The following RAB11FIP3 variants were observed in gnomAD, a reference collection of about 807,000 sequenced individuals.
The protein encoded by RAB11FIP3 is RAB11 family interacting protein 3, also known as rab11 family-interacting protein 3.
A neutral mutation model predicts 77.8 loss-of-function variants in RAB11FIP3; 17 were observed. The observed-to-expected ratio is 0.22, with a 90% CI of 0.15 to 0.33. RAB11FIP3 has a LOEUF of 0.33. Among genes scored for constraint, RAB11FIP3 ranks in the 10% least tolerant of loss-of-function variants. The probability of loss-of-function intolerance (pLI) is 1.00; values close to 1 mark genes in which losing one functional copy is unlikely to be tolerated. For missense variants in RAB11FIP3, 1,005 were observed against 1,011.2 expected (o/e 0.99, Z 0.08); for synonymous variants, 437 against 448.2 (o/e 0.98, Z 0.31).
intron 1 of RAB11FIP3, among the ~76,000 whole-genome samples, chr16:433,849 C>G (rs1330529587): frequency 1.4e-5 from 2 of 145,222 alleles, no homozygotes; most frequent in Non-Finnish European, 3.0e-5. Flanking sequence ...GAGCGAGACT[C>G]TGTCTCAAAA....
intron 6 of RAB11FIP3, among the ~76,000 whole-genome samples, chr16:501,124 GTT>G (rs955223780): frequency 2.0e-5 from 3 of 152,204 alleles, no homozygotes; most frequent in Non-Finnish European, 4.4e-5. Context: ...AGATGGAAAT[GTT>G]CAAGCCCAGT....
chr16:426,396 G>T lies in RAB11FIP3; in HGVS notation c.390G>T (p.Glu130Asp), dbSNP rs1356563307. 4 of 1,581,796 alleles carry T rather than the reference G, an allele frequency of 2.5e-6. No homozygotes were observed. The African/African-American group carries it at 5.4e-5, about 21-fold the overall frequency. ...TGTTCTCCTGGACTGAGGAGCCCGAGGAGTGTGGCCCCGCGAGCTGCCCGG... is the reference window on the plus strand; with the variant it reads ...TGTTCTCCTGGACTGAGGAGCCCGATGAGTGTGGCCCCGCGAGCTGCCCGG... ...DPLFSWTEEPEECGPASCPES... is the reference protein window; with the variant it reads ...DPLFSWTEEPDECGPASCPES... Residue 130 changes from glutamate (E) to aspartate (D), a missense_variant, in exon 1 of 14, where the codon GAG (glutamate) becomes GAT (aspartate). By Grantham distance (45) the Glu-to-Asp change is conservative. Transcript: ENST00000262305. This position sits in a 1 kb window ranked among gnomAD's most constrained non-coding sequence, Gnocchi z 5.0.
At chr16:498,007 C>T (rs988506910) in intron 6 of RAB11FIP3, among the ~76,000 whole-genome samples, 1 of 150,558 alleles carries the variant, frequency 6.6e-6, no homozygotes, top group Non-Finnish European at 1.5e-5. Context: ...GGTCTAGCTG[C>T]GTTGCCCAGG....
At position 470,426 on chromosome 16, in the gene RAB11FIP3, C is replaced by T. The variant is rs113148497; in HGVS notation, c.809-869C>T. Among the ~76,000 whole-genome samples, 592 of 152,358 alleles carry T rather than the reference C, an allele frequency of 3.9e-3. 4 individuals are homozygous for T. Among genetic ancestry groups the T allele is most frequent in the African/African-American group, 0.013 (552 of 41,586 alleles). ...GGGATTACAGGCATAGGCCACCGTG[C>T]CTGGCCCCAACCTTCACTTTTAAAA... is the stretch of plus-strand genomic sequence containing the variant. On this transcript the variant is annotated intron_variant, in intron 2 of 13. Coordinates refer to ENST00000262305, the MANE Select transcript of RAB11FIP3 (RefSeq NM_014700.4).
chr16:464,815 G>A (rs1423385581), intron 2 of RAB11FIP3, among the ~76,000 whole-genome samples: 3 of 152,174 alleles, frequency 2.0e-5, no homozygotes, highest in Non-Finnish European at 4.4e-5. Flanking sequence ...ATCCCAGGAG[G>A]TGGAGGCTGC....
intron 4 of RAB11FIP3, 66 bp downstream of exon 4, chr16:482,802 TGGGCAGACTGG>T: frequency 1.4e-6 from 2 of 1,481,410 alleles, no homozygotes; most frequent in South Asian, 2.4e-5. Context: ...AGGTGTCTGA[TGGGCAGACTGG>T]GGTCTTGGAG....
intron 3 of RAB11FIP3, among the ~76,000 whole-genome samples, chr16:477,417 T>C (rs1327662781): frequency 6.6e-6 from 1 of 152,198 alleles, no homozygotes; most frequent in Non-Finnish European, 1.5e-5. Context: ...TGTGCAATCC[T>C]GTTGGGGTAG....
chr16:499,539 T>C (rs1299476932), intron 6 of RAB11FIP3, among the ~76,000 whole-genome samples: 1 of 152,238 alleles, frequency 6.6e-6, no homozygotes, highest in Non-Finnish European at 1.5e-5. Flanking sequence ...GGCTCACGCC[T>C]GTAATCCCAG....
At chr16:510,395 A>G (rs1330826041) in intron 8 of RAB11FIP3, 1 of 434,576 alleles carries the variant, frequency 2.3e-6, no homozygotes, top group African/African-American at 2.0e-5. Flanking sequence ...ACAAGCGGGC[A>G]GTGCCTGTGG....
At chr16:503,717 T>C (rs1189844150) in intron 7 of RAB11FIP3, among the ~76,000 whole-genome samples, 1 of 152,006 alleles carries the variant, frequency 6.6e-6, no homozygotes, top group African/African-American at 2.4e-5. Context: ...CCGTCTCTAC[T>C]AAAAATACAA....
chr16:520,097 G>A (rs912147353), intron 11 of RAB11FIP3, 25 bp from the exon 12 acceptor site: 13 of 1,541,630 alleles, frequency 8.4e-6, no homozygotes, highest in East Asian at 2.5e-5. Context: ...CAGGCCCCCC[G>A]GCTCACTGCA....
rs1396217490 is a variant in RAB11FIP3 at position 505,656 on chromosome 16, C to T, written c.1499+29C>T. The T allele has an allele frequency of 1.3e-6, 2 of 1,529,176 alleles. No individual in the cohort carries two copies. The highest frequency in any genetic ancestry group is 1.8e-6 in the Non-Finnish European group (2 of 1,134,072). The allele number at this position is 1,529,176 out of a possible 1,614,324, so 94.7% of individuals were successfully genotyped here. ...AGCCTGGGCCAGGAGACCCGGGCCT[C>T]TGCGTGGCGCCTCCTGTGCCCGCCT... is the stretch of plus-strand genomic sequence containing the variant. On this transcript the variant is annotated intron_variant, in intron 8 of 13. Transcript: ENST00000262305. This position sits in a 1 kb window ranked among gnomAD's most constrained non-coding sequence, Gnocchi z 4.0.
At chr16:447,453 T>C (rs1161536039) in intron 1 of RAB11FIP3, among the ~76,000 whole-genome samples, 17 of 152,100 alleles carry the variant, frequency 1.1e-4, no homozygotes, top group Non-Finnish European at 2.5e-4. Context: ...TATATATATA[T>C]TGTGGCCGGG....
chr16:467,435 G>GGCCTC (rs2055721622), intron 2 of RAB11FIP3, among the ~76,000 whole-genome samples: 1 of 151,608 alleles, frequency 6.6e-6, no homozygotes, highest in Non-Finnish European at 1.5e-5. Flanking sequence ...GAGGTGCTGG[G>GGCCTC]ACGTCAGGGA....
chr16:445,082 C>G (rs1457265160), intron 1 of RAB11FIP3, among the ~76,000 whole-genome samples: 3 of 143,374 alleles, frequency 2.1e-5, no homozygotes, highest in Admixed American at 7.1e-5. Context: ...CCACTGCACT[C>G]CAGCCTGGGT....
chr16:438,184 T>C (rs1283720067), intron 1 of RAB11FIP3, among the ~76,000 whole-genome samples: 1 of 152,094 alleles, frequency 6.6e-6, no homozygotes, highest in African/African-American at 2.4e-5. Flanking sequence ...ATCCACTTAC[T>C]GCAACCTCCG....
chr16:463,739 G>A (rs778487056), intron 2 of RAB11FIP3, among the ~76,000 whole-genome samples: 5 of 152,054 alleles, frequency 3.3e-5, no homozygotes, highest in Non-Finnish European at 7.4e-5. Context: ...CGCCCGGCCT[G>A]TTCCCCATTT....
At position 514,790 on chromosome 16, in the gene RAB11FIP3, A is replaced by C. The variant is rs894441507; in HGVS notation, c.1640+3990A>C. 3.3e-5 allele frequency among the ~76,000 whole-genome samples: 5 copies of C among 152,234 alleles called. No individual in the cohort carries two copies. Among genetic ancestry groups the C allele is most frequent in the African/African-American group, 1.2e-4 (5 of 41,464 alleles). On this transcript the variant is annotated intron_variant, in intron 9 of 13. Coordinates refer to ENST00000262305, the MANE Select transcript of RAB11FIP3 (RefSeq NM_014700.4). This position sits in a 1 kb window ranked among gnomAD's most constrained non-coding sequence, Gnocchi z 4.6. Reference sequence around the variant, plus strand: ...CTGGAGTGAAGGCTGATGGGGCCACAGTGGCATGTCCACAGAGACCGGGGC... The same window carrying C: ...CTGGAGTGAAGGCTGATGGGGCCACCGTGGCATGTCCACAGAGACCGGGGC...
At chr16:450,198 C>T (rs2055384105) in intron 1 of RAB11FIP3, among the ~76,000 whole-genome samples, 1 of 152,012 alleles carries the variant, frequency 6.6e-6, no homozygotes, top group Non-Finnish European at 1.5e-5. Flanking sequence ...GAGACAGGGT[C>T]TCACTCTGTC....
Sources: gnomAD v4.1 joint callset for allele counts (sites outside exome capture counted in the v4.1 genomes callset) on GRCh38, gnomAD v4.1.1 for gene constraint, Gnocchi (gnomAD v3.1) non-coding constraint, MANE v1.5 for transcripts, NCBI Gene and HGNC (gene_info 2026-07-23, HGNC 2026-07-21) for gene names.